The following EPHA6 variants were observed in gnomAD, a reference collection of about 807,000 sequenced individuals.
The protein encoded by EPHA6 is EPH receptor A6.
EPHA6 carries 50 observed loss-of-function variants against 112.0 expected under a neutral mutation model. The ratio of observed to expected loss-of-function variants is 0.45; its 90% CI spans 0.36 to 0.56. EPHA6 has a LOEUF of 0.56. EPHA6 is among the 20% of genes least tolerant of loss of function. The pLI is 0.00. For synonymous variants in EPHA6, 529 were observed against 490.7 expected, an observed-to-expected ratio of 1.08 and a Z score of -1.03; for missense variants, 1,280 against 1,417.4, an observed-to-expected ratio of 0.90 and a Z score of 1.56.
intron 3 of EPHA6, among the ~76,000 whole-genome samples, chr3:97,004,213 TCACTA>T (rs2043790040): frequency 2.0e-5 from 3 of 152,196 alleles, no homozygotes; most frequent in African/African-American, 7.2e-5. Flanking sequence ...CCTTGAGGAA[TCACTA>T]TATGTCTTCC....
At chr3:96,999,884 A>G (rs9289272) in intron 3 of EPHA6, among the ~76,000 whole-genome samples, 2,683 of 151,968 alleles carry the variant, frequency 0.018, 68 homozygotes, top group African/African-American at 0.05. Context: ...ATTGAGAACA[A>G]TGACACACAC....
At chr3:97,125,426 A>G (rs2048157078) in intron 3 of EPHA6, among the ~76,000 whole-genome samples, 1 of 152,200 alleles carries the variant, frequency 6.6e-6, no homozygotes, top group Non-Finnish European at 1.5e-5. Flanking sequence ...ATGAATAGAT[A>G]GGAATATTTC....
intron 7 of EPHA6, chr3:97,466,531 C>G (rs764161532): frequency 2.4e-6 from 2 of 822,018 alleles, no homozygotes; most frequent in Admixed American, 1.8e-5. Flanking sequence ...CAAATCCAGG[C>G]TCTCCAATGA....
At chr3:96,938,057 G>C (rs1156467349) in intron 2 of EPHA6, among the ~76,000 whole-genome samples, 33 of 146,630 alleles carry the variant, frequency 2.3e-4, no homozygotes, top group African/African-American at 5.8e-4. Flanking sequence ...CTCCAGCTTT[G>C]TTCTTTTGGC....
intron 4 of EPHA6, among the ~76,000 whole-genome samples, chr3:97,227,978 G>A (rs1003173968): frequency 6.6e-6 from 1 of 152,034 alleles, no homozygotes; most frequent in African/African-American, 2.4e-5. Context: ...CGGTGGAGTG[G>A]GTCTTTAAAA....
At chr3:97,177,156 A>C (rs2076858700) in intron 3 of EPHA6, among the ~76,000 whole-genome samples, 1 of 151,910 alleles carries the variant, frequency 6.6e-6, no homozygotes, top group African/African-American at 2.4e-5. Flanking sequence ...TGGAGCATAT[A>C]GTTTAATTTT....
At chr3:97,422,012 G>A (rs1305466096) in intron 6 of EPHA6, among the ~76,000 whole-genome samples, 2 of 151,610 alleles carry the variant, frequency 1.3e-5, no homozygotes, top group Non-Finnish European at 2.9e-5. Flanking sequence ...TAAAATTTTT[G>A]GAAGGAAAAT....
At chr3:97,641,596 G>C (rs567067600) in intron 14 of EPHA6, among the ~76,000 whole-genome samples, 1 of 152,210 alleles carries the variant, frequency 6.6e-6, no homozygotes, top group Non-Finnish European at 1.5e-5. Context: ...CACCATGCGC[G>C]AGCCGAAGCA....
At chr3:97,118,287 CTT>C (rs879291771) in intron 3 of EPHA6, among the ~76,000 whole-genome samples, 10 of 148,540 alleles carry the variant, frequency 6.7e-5, no homozygotes, top group African/African-American at 2.5e-4. Context: ...TATTATTTGT[CTT>C]TTTTTTTTCA....
intron 4 of EPHA6, among the ~76,000 whole-genome samples, chr3:97,241,813 T>C (rs1295749555): frequency 6.7e-6 from 1 of 149,716 alleles, no homozygotes; most frequent in African/African-American, 2.4e-5. Context: ...TATATACTTA[T>C]AGACACCCAT....
intron 13 of EPHA6, among the ~76,000 whole-genome samples, chr3:97,636,929 C>G (rs1160017592): frequency 6.6e-6 from 1 of 152,068 alleles, no homozygotes; most frequent in African/African-American, 2.4e-5. Flanking sequence ...CCATTAAAGA[C>G]AACAATCTCC....
chr3:97,012,241 C>G (rs1331101746), intron 3 of EPHA6, among the ~76,000 whole-genome samples: 1 of 151,744 alleles, frequency 6.6e-6, no homozygotes, highest in Non-Finnish European at 1.5e-5. Flanking sequence ...AAACTGCTTT[C>G]CATGGTGGCT....
At chr3:97,350,165 C>T (rs1243207285) in intron 5 of EPHA6, among the ~76,000 whole-genome samples, 1 of 151,938 alleles carries the variant, frequency 6.6e-6, no homozygotes, top group African/African-American at 2.4e-5. Flanking sequence ...AATGAGATAT[C>T]TGGAATATTA....
At chr3:97,530,392 G>A (rs914059867) in intron 10 of EPHA6, among the ~76,000 whole-genome samples, 1 of 151,950 alleles carries the variant, frequency 6.6e-6, no homozygotes, top group African/African-American at 2.4e-5. Flanking sequence ...GAATAACTTA[G>A]CGCAGATACC....
intron 10 of EPHA6, among the ~76,000 whole-genome samples, chr3:97,494,025 A>G (rs1414538493): frequency 1.3e-5 from 2 of 152,246 alleles, no homozygotes; most frequent in African/African-American, 4.8e-5. Flanking sequence ...GCTAAAAATC[A>G]AACTGTTCAA....
intron 5 of EPHA6, among the ~76,000 whole-genome samples, chr3:97,284,656 A>T (rs1001335177): frequency 2.0e-5 from 3 of 152,198 alleles, no homozygotes; most frequent in Non-Finnish European, 2.9e-5. Context: ...ATGGAGTAGA[A>T]GTACTGAATA....
intron 3 of EPHA6, among the ~76,000 whole-genome samples, chr3:97,110,254 G>A (rs2047683758): frequency 6.6e-6 from 1 of 151,998 alleles, no homozygotes; most frequent in Admixed American, 6.6e-5. Flanking sequence ...GGTAATGATA[G>A]GGCCTCCATA....
intron 7 of EPHA6, among the ~76,000 whole-genome samples, chr3:97,454,964 T>G (rs991938649): frequency 6.6e-6 from 1 of 151,966 alleles, no homozygotes; most frequent in Non-Finnish European, 1.5e-5. Context: ...TATATAAGAC[T>G]TTAATTTAAA....
At chr3:97,686,342 TC>T (rs2032247988) in intron 14 of EPHA6, among the ~76,000 whole-genome samples, 1 of 152,120 alleles carries the variant, frequency 6.6e-6, no homozygotes, top group Admixed American at 6.6e-5. Context: ...CCATACTTCT[TC>T]CCATCTTCTC....
Sources: allele counts gnomAD v4.1 joint callset (sites outside exome capture counted in the v4.1 genomes callset), GRCh38; gene constraint gnomAD v4.1.1; transcripts MANE v1.5; gene names NCBI Gene and HGNC (gene_info 2026-07-23, HGNC 2026-07-21).